Variants in TENM3 observed in about 807,000 individuals in gnomAD.
The protein encoded by TENM3 is teneurin transmembrane protein 3, also known as teneurin-3.
Under a neutral mutation model 255.1 loss-of-function variants are expected in TENM3, and 63 were observed. The observed-to-expected ratio is 0.25, with a 90% CI of 0.20 to 0.30. The LOEUF is 0.30. TENM3 is among the 10% of genes least tolerant of loss of function. TENM3 has a pLI of 1.00. For missense variants in TENM3, 2,929 were observed against 3,461.1 expected, an observed-to-expected ratio of 0.85 and a Z score of 3.86; for synonymous variants, 1,306 against 1,322.3, an observed-to-expected ratio of 0.99 and a Z score of 0.27.
the TENM3 span, among the ~76,000 whole-genome samples, chr4:181,852,115 C>G: frequency 1.3e-5 from 2 of 152,176 alleles, no homozygotes; most frequent in African/African-American, 2.4e-5. Context: ...TTTAAAGAAG[C>G]AAGAACCCAC....
the TENM3 span, among the ~76,000 whole-genome samples, chr4:182,076,713 A>G: frequency 3.3e-5 from 5 of 152,086 alleles, no homozygotes; most frequent in African/African-American, 1.2e-4. Flanking sequence ...TAACTCAGGG[A>G]TTGGCAAACC....
chr4:181,641,840 A>G, the TENM3 span, among the ~76,000 whole-genome samples: 2 of 119,852 alleles, frequency 1.7e-5, no homozygotes, highest in African/African-American at 3.3e-5. Flanking sequence ...ATATATATAT[A>G]TATGCCACAT....
At chr4:181,604,239 TG>T in the TENM3 span, among the ~76,000 whole-genome samples, 1 of 152,056 alleles carries the variant, frequency 6.6e-6, no homozygotes, top group African/African-American at 2.4e-5. Flanking sequence ...CACTCCAGCC[TG>T]GGCGACAGAG....
At chr4:182,451,049 C>T (rs1773413743) in intron 3 of TENM3, among the ~76,000 whole-genome samples, 1 of 152,162 alleles carries the variant, frequency 6.6e-6, no homozygotes, top group Admixed American at 6.5e-5. Context: ...TGCTCGGTAG[C>T]CCTGCATTTT....
At chr4:182,138,454 T>C in the TENM3 span, among the ~76,000 whole-genome samples, 1 of 152,202 alleles carries the variant, frequency 6.6e-6, no homozygotes, top group Non-Finnish European at 1.5e-5. Flanking sequence ...ACACAGGCTC[T>C]GCGCTTCAGT....
At chr4:181,770,095 T>A in the TENM3 span, among the ~76,000 whole-genome samples, 7 of 152,034 alleles carry the variant, frequency 4.6e-5, no homozygotes, top group Non-Finnish European at 8.8e-5. Context: ...AATATGCAGT[T>A]TGGGGCTGGG....
the TENM3 span, among the ~76,000 whole-genome samples, chr4:182,098,891 G>A: frequency 1.3e-5 from 2 of 150,808 alleles, no homozygotes; most frequent in African/African-American, 4.9e-5. Context: ...ACCCTGATTT[G>A]ATCATTACAC....
At chr4:182,660,652 C>T (rs985833131) in intron 6 of TENM3, among the ~76,000 whole-genome samples, 6 of 152,088 alleles carry the variant, frequency 3.9e-5, no homozygotes, top group Non-Finnish European at 8.8e-5. Flanking sequence ...AATGGAAATC[C>T]CCATCATTCG....
At chr4:182,732,351 T>TA (rs1202711345) in intron 16 of TENM3, among the ~76,000 whole-genome samples, 6 of 152,234 alleles carry the variant, frequency 3.9e-5, no homozygotes, top group African/African-American at 1.2e-4. Flanking sequence ...TTGTTGTCAG[T>TA]AAAAAGTGTT....
chr4:182,482,164 A>C (rs1580702440), intron 3 of TENM3, among the ~76,000 whole-genome samples: 1 of 152,176 alleles, frequency 6.6e-6, no homozygotes, highest in African/African-American at 2.4e-5. Flanking sequence ...AAATTCAGTG[A>C]TTTTCATTGA....
the TENM3 span, among the ~76,000 whole-genome samples, chr4:182,135,701 G>T: frequency 6.6e-6 from 1 of 152,244 alleles, no homozygotes; most frequent in African/African-American, 2.4e-5. Context: ...AAGAGTGGCG[G>T]TGGTATTGAT....
chr4:182,499,790 C>G (rs1430029541), intron 3 of TENM3, among the ~76,000 whole-genome samples: 1 of 152,130 alleles, frequency 6.6e-6, no homozygotes, highest in Non-Finnish European at 1.5e-5. Flanking sequence ...TAAACCCAAC[C>G]ACAAGCCAGA....
chr4:181,673,821 C>G, the TENM3 span, among the ~76,000 whole-genome samples: 1 of 150,552 alleles, frequency 6.6e-6, no homozygotes, highest in African/African-American at 2.4e-5. Context: ...GAGTAGTGAC[C>G]ACCTTGGAAA....
chr4:182,036,798 TA>T, the TENM3 span, among the ~76,000 whole-genome samples: 25 of 152,168 alleles, frequency 1.6e-4, no homozygotes, highest in African/African-American at 4.8e-4. Context: ...ATTTTCCTGA[TA>T]AAAAAATTAC....
chr4:181,825,818 CTGTT>C, the TENM3 span, among the ~76,000 whole-genome samples: 1 of 152,144 alleles, frequency 6.6e-6, no homozygotes, highest in African/African-American at 2.4e-5. Context: ...AAGACCAAAA[CTGTT>C]TATTTAGAAA....
chr4:181,537,658 C>T, the TENM3 span, among the ~76,000 whole-genome samples: 1 of 152,172 alleles, frequency 6.6e-6, no homozygotes, highest in African/African-American at 2.4e-5. Flanking sequence ...ATAAAGATGG[C>T]ATTAACTTGA....
chr4:181,515,199 G>C, the TENM3 span, among the ~76,000 whole-genome samples: 1 of 152,146 alleles, frequency 6.6e-6, no homozygotes, highest in East Asian at 1.9e-4. Flanking sequence ...TTAAGGAATT[G>C]CCTCTGCTTT....
chr4:181,900,789 G>A, the TENM3 span, among the ~76,000 whole-genome samples: 206 of 152,194 alleles, frequency 1.4e-3, 2 homozygotes, highest in Non-Finnish European at 1.8e-3. Flanking sequence ...CCTTTCCCCC[G>A]GAGCACAAGA....
chr4:181,629,793 TTC>T, the TENM3 span, among the ~76,000 whole-genome samples: 1 of 152,122 alleles, frequency 6.6e-6, no homozygotes, highest in African/African-American at 2.4e-5. Context: ...TGGTCTAAAA[TTC>T]TCTTTTTTTT....
Sources: gnomAD v4.1 joint callset for allele counts (sites outside exome capture counted in the v4.1 genomes callset) on GRCh38, gnomAD v4.1.1 for gene constraint, MANE v1.5 for transcripts, NCBI Gene and HGNC (gene_info 2026-07-23, HGNC 2026-07-21) for gene names.